The following PSME3IP1 variants were observed in gnomAD, a reference collection of about 807,000 sequenced individuals.
PSME3IP1 encodes proteasome activator subunit 3 interacting protein 1.
PSME3IP1 carries 13 observed loss-of-function variants against 34.1 expected under a neutral mutation model. That is an observed-to-expected ratio of 0.38 (90% CI 0.25 to 0.61). PSME3IP1 has a LOEUF of 0.61. Ranked by LOEUF, PSME3IP1 falls within the 20% of genes least tolerant of loss-of-function variation. PSME3IP1 has a pLI of 0.60. For missense variants in PSME3IP1, 237 were observed against 301.4 expected, an observed-to-expected ratio of 0.79 and a Z score of 1.58; for synonymous variants, 93 against 114.3, an observed-to-expected ratio of 0.81 and a Z score of 1.19.
intron 1 of PSME3IP1, among the ~76,000 whole-genome samples, chr16:57,180,938 G>A (rs2073646196): frequency 6.6e-6 from 1 of 152,044 alleles, no homozygotes; most frequent in Non-Finnish European, 1.5e-5. Flanking sequence ...CTACTTAGGA[G>A]GCTGAAGTGG....
intron 3 of PSME3IP1, 112 bp from the exon 4 acceptor site, chr16:57,172,484 A>G (rs1266874278): frequency 1.7e-6 from 2 of 1,176,090 alleles, no homozygotes; most frequent in Non-Finnish European, 2.4e-6. Context: ...AAAAAAAAAG[A>G]ACTGGTAAAT....
intron 1 of PSME3IP1, among the ~76,000 whole-genome samples, chr16:57,183,837 T>C (rs1207930238): frequency 6.6e-6 from 1 of 152,166 alleles, no homozygotes; most frequent in African/African-American, 2.4e-5. Context: ...GAGTGGAGTC[T>C]GACAACTACC....
intron 1 of PSME3IP1, among the ~76,000 whole-genome samples, chr16:57,177,477 CCACTGTGCCCG>C (rs1438269772): frequency 6.6e-6 from 1 of 151,726 alleles, no homozygotes; most frequent in African/African-American, 2.4e-5. Context: ...TAGGCATGAG[CCACTGTGCCCG>C]GCCTACAATC....
intron 1 of PSME3IP1, among the ~76,000 whole-genome samples, chr16:57,180,195 C>G (rs1303683315): frequency 6.6e-6 from 1 of 152,200 alleles, no homozygotes; most frequent in African/African-American, 2.4e-5. Context: ...AAATGTTTAT[C>G]ATAAGGAGCA....
chr16:57,172,469 G>A, intron 3 of PSME3IP1, 97 bp from the exon 4 acceptor site: 3 of 1,305,678 alleles, frequency 2.3e-6, no homozygotes, highest in Non-Finnish European at 3.2e-6. Context: ...TTCTTCAGGG[G>A]ATTAAAAAAA....
chr16:57,181,337 A>G (rs955764615), intron 1 of PSME3IP1, among the ~76,000 whole-genome samples: 7 of 152,132 alleles, frequency 4.6e-5, no homozygotes, highest in Admixed American at 4.6e-4. Context: ...GAAAAACAGC[A>G]GTTTTTTCCA....
intron 1 of PSME3IP1, among the ~76,000 whole-genome samples, chr16:57,183,667 G>C (rs903255104): frequency 7.9e-5 from 12 of 152,154 alleles, no homozygotes; most frequent in African/African-American, 2.9e-4. Flanking sequence ...AAGCTAACAA[G>C]ATAGTAAAGA....
At chr16:57,172,401 T>C in intron 3 of PSME3IP1, 29 bp from the exon 4 acceptor site, 5 of 1,609,692 alleles carry the variant, frequency 3.1e-6, no homozygotes, top group Non-Finnish European at 4.2e-6. Context: ...AAGGCACACT[T>C]AGCAGGCTAA....
intron 5 of PSME3IP1, among the ~76,000 whole-genome samples, chr16:57,165,200 C>T (rs777070723): frequency 4.6e-5 from 7 of 151,254 alleles, no homozygotes; most frequent in Non-Finnish European, 8.8e-5. Flanking sequence ...ACGTGTGTGG[C>T]GAGGGGGAAG....
chr16:57,171,173 A>G (rs12600308), intron 4 of PSME3IP1, among the ~76,000 whole-genome samples: 145,475 of 152,286 alleles, frequency 0.96, 69,516 homozygotes, highest in Middle Eastern at 0.99. Context: ...TGTGAAATGC[A>G]TCTTGCAAAA....
At chr16:57,174,993 A>G (rs1178297937) in intron 1 of PSME3IP1, 1 of 151,510 alleles carries the variant, frequency 6.6e-6, no homozygotes, top group Non-Finnish European at 1.5e-5. Context: ...TAAAGATAGC[A>G]GAGTGTATAT....
intron 1 of PSME3IP1, among the ~76,000 whole-genome samples, chr16:57,177,955 C>T (rs529877470): frequency 2.0e-5 from 3 of 152,268 alleles, no homozygotes; most frequent in African/African-American, 7.2e-5. Flanking sequence ...CACCACTGCG[C>T]TCTAGCCTGG....
intron 6 of PSME3IP1, among the ~76,000 whole-genome samples, chr16:57,161,304 C>T (rs966017072): frequency 8.5e-5 from 13 of 152,240 alleles, no homozygotes; most frequent in African/African-American, 2.9e-4. Context: ...TAATGGCATA[C>T]AGATAGACAT....
rs1490965192 is a variant in PSME3IP1 at position 57,153,910 on chromosome 16, G to T, written c.*380C>A. ...TTTAAATAACACCTGTCCAATAACT[G>T]CCCTTACTTCTTTGTGCTGTCGGGA... is the stretch of plus-strand genomic sequence containing the variant. On this transcript the variant is annotated 3_prime_UTR_variant, in exon 7 of 7. Transcript: ENST00000309137. The T allele has an allele frequency of 2.2e-5, 5 of 223,110 alleles. No homozygotes were observed. The highest frequency in any genetic ancestry group is 4.5e-5 in the Non-Finnish European group (5 of 110,956). 13.8% of individuals were successfully genotyped at this position (223,110 alleles called of 1,614,324 possible). A position where few individuals can be genotyped will look rare whatever the true frequency, so the allele number is the denominator to read the frequency against.
chr16:57,159,136 C>T (rs182729958), intron 6 of PSME3IP1, among the ~76,000 whole-genome samples: 135 of 152,210 alleles, frequency 8.9e-4, no homozygotes, highest in African/African-American at 2.9e-3. Flanking sequence ...ACTGGCCTAA[C>T]GGAAGAATGG....
In PSME3IP1 at chr16:57,157,372, G is replaced by A. The variant is rs77912706; in HGVS notation, c.548-2865C>T. Among the ~76,000 whole-genome samples, 102 of 151,640 alleles carry A rather than the reference G, an allele frequency of 6.7e-4. No individual in the cohort carries two copies. The East Asian group carries it at 0.017, about 25-fold the overall frequency. The stretch of plus-strand genomic sequence containing the variant: ...AGAAGAAAGCATCTCTGTGTGTACT[G>A]TTATTGAATGATCCCCAAGATATTG... On this transcript the variant is annotated intron_variant, in intron 6 of 6. Transcript: ENST00000309137.
At chr16:57,161,651 T>C (rs548634547) in intron 6 of PSME3IP1, among the ~76,000 whole-genome samples, 23 of 151,874 alleles carry the variant, frequency 1.5e-4, no homozygotes, top group African/African-American at 5.3e-4. Context: ...TAGCTGGGAC[T>C]ACAGGCATCC....
At chr16:57,181,391 C>T (rs1277386810) in intron 1 of PSME3IP1, among the ~76,000 whole-genome samples, 2 of 151,760 alleles carry the variant, frequency 1.3e-5, no homozygotes, top group East Asian at 3.9e-4. Flanking sequence ...AAAAAAAAAA[C>T]CCAAACCAAA....
At chr16:57,171,439 C>T (rs1233287358) in intron 4 of PSME3IP1, among the ~76,000 whole-genome samples, 1 of 152,128 alleles carries the variant, frequency 6.6e-6, no homozygotes, top group African/African-American at 2.4e-5. Flanking sequence ...AGAAAAGTGA[C>T]ATGATGCCAT....
Sources: gnomAD v4.1 joint callset for allele counts (sites outside exome capture counted in the v4.1 genomes callset) on GRCh38, gnomAD v4.1.1 for gene constraint, MANE v1.5 for transcripts, NCBI Gene and HGNC (gene_info 2026-07-23, HGNC 2026-07-21) for gene names.